The following IQSEC1 variants were observed in gnomAD, a reference collection of about 807,000 sequenced individuals.
The protein encoded by IQSEC1 is IQ motif and SEC7 domain-containing protein 1.
In IQSEC1, 31 loss-of-function variants were observed where a neutral mutation model predicts 91.0. The observed-to-expected ratio is 0.34, with a 90% CI of 0.26 to 0.46. IQSEC1 has a LOEUF of 0.46. Among genes scored for constraint, IQSEC1 ranks in the 20% least tolerant of loss-of-function variants. IQSEC1 has a pLI of 1.00. For missense variants in IQSEC1, 1,388 were observed against 1,575.6 expected (o/e 0.88, Z 2.02); for synonymous variants, 699 against 662.6 (o/e 1.05, Z -0.84).
In IQSEC1 at chr3:12,922,146, T is replaced by C. The variant is rs777570087; in HGVS notation, c.1827A>G (p.Lys609=). 40 of 1,609,574 alleles carry C rather than the reference T, an allele frequency of 2.5e-5. No individual in the cohort carries two copies. Among genetic ancestry groups the C allele is most frequent in the Non-Finnish European group, 1.7e-6 (2 of 1,177,054 alleles). Residue 609 remains lysine (K), a synonymous_variant, in exon 5 of 14, where the codon AAA becomes AAG. Transcript: ENST00000613206. The surrounding 1 kb of genome is among the most constrained non-coding windows in gnomAD (Gnocchi z 5.1). ...TGAACGCCTCTATGAGCCGCTCCAC[T>C]TTCTGAGCCTCCCCTTGGACACGGA... is the stretch of plus-strand genomic sequence containing the variant. ...AHIRVQGEAQ[K]VERLIEAFSQ... is the part of the protein sequence containing the mutation.
chr3:13,025,846 G>A (rs1318562636), intron 1 of IQSEC1, among the ~76,000 whole-genome samples: 2 of 152,178 alleles, frequency 1.3e-5, no homozygotes, highest in Non-Finnish European at 2.9e-5. Context: ...CCAGGGTGGG[G>A]TGGGCAAGGC....
rs995398766 is a variant in IQSEC1, at chr3:13,008,778, G to A, written c.23+64214C>T. Among the ~76,000 whole-genome samples the A allele has an allele frequency of 6.6e-5, 10 of 152,152 alleles. No individual in the cohort carries two copies. Among genetic ancestry groups the A allele is most frequent in the Admixed American group, 3.9e-4 (6 of 15,274 alleles). ...ACTGATAGAACAACGCTCTTGATCC[G>A]GCTCCAGGGCAGAAAGGGGAGCTCA... On this transcript the variant is annotated intron_variant, in intron 1 of 13. Coordinates refer to ENST00000613206, the MANE Select transcript of IQSEC1 (RefSeq NM_001134382.3). The surrounding 1 kb of genome is among the most constrained non-coding windows in gnomAD (Gnocchi z 4.1).
chr3:13,036,166 A>G (rs1704028539), intron 1 of IQSEC1, among the ~76,000 whole-genome samples: 1 of 152,206 alleles, frequency 6.6e-6, no homozygotes, highest in Non-Finnish European at 1.5e-5. Flanking sequence ...ACACCGTCAT[A>G]ACAACCGCGA....
chr3:13,081,340 C>A (rs1448339236), intron 2 of IQSEC1, among the ~76,000 whole-genome samples: 1 of 152,254 alleles, frequency 6.6e-6, no homozygotes, highest in Admixed American at 6.5e-5. Flanking sequence ...ACAATCACAG[C>A]TCACAGAAGC....
intron 2 of IQSEC1, among the ~76,000 whole-genome samples, chr3:13,120,492 C>T (rs1484132598): frequency 2.6e-5 from 4 of 152,176 alleles, no homozygotes; most frequent in African/African-American, 7.2e-5. Flanking sequence ...CTCTGGGCTC[C>T]GTGTACTCCT....
At chr3:13,034,349 A>G (rs1267262882) in intron 1 of IQSEC1, among the ~76,000 whole-genome samples, 1 of 152,232 alleles carries the variant, frequency 6.6e-6, no homozygotes, top group Non-Finnish European at 1.5e-5. Context: ...CACGTGCTAA[A>G]TCCAGCAGTT....
In IQSEC1 at chr3:13,120,954, T is replaced by C. The variant is rs547652395; in HGVS notation, c.302+43150A>G. ...GGGGAATCCCAGATTCAATGGCGTT[T>C]ACACATTTAAACAGGAGGCAGTTCC... On this transcript the variant is annotated intron_variant, in intron 2 of 15. Transcript: ENST00000648114. 2.6e-5 allele frequency among the ~76,000 whole-genome samples: 4 copies of C among 152,352 alleles called. No homozygotes were observed. The East Asian group carries it at 7.7e-4, about 29-fold the overall frequency.
intron 6 of IQSEC1, among the ~76,000 whole-genome samples, chr3:12,916,519 T>C (rs1203946291): frequency 1.3e-5 from 2 of 152,212 alleles, no homozygotes; most frequent in East Asian, 1.9e-4. Flanking sequence ...TCCGCCAGAC[T>C]GCAGTCCAAA....
chr3:13,056,374 C>T (rs1029963660), intron 1 of IQSEC1, among the ~76,000 whole-genome samples: 13 of 151,856 alleles, frequency 8.6e-5, no homozygotes, highest in Non-Finnish European at 1.6e-4. Context: ...CCAGCAAACC[C>T]TCTAGAGTCC....
At chr3:13,170,275 G>T (rs1693582033) in intron 1 of IQSEC1, among the ~76,000 whole-genome samples, 2 of 152,264 alleles carry the variant, frequency 1.3e-5, no homozygotes, top group Non-Finnish European at 2.9e-5. Flanking sequence ...CAGAAGTCAA[G>T]AATTAGGGTT....
Position 13,140,820 on chromosome 3 carries a change from G to A in IQSEC1, c.302+23284C>T, listed in dbSNP as rs944164113. 2.0e-5 allele frequency among the ~76,000 whole-genome samples: 3 copies of A among 152,268 alleles called. No individual in the cohort carries two copies. In the South Asian group the frequency reaches 6.2e-4, roughly 32 times the overall value. On this transcript the variant is annotated intron_variant, in intron 2 of 15. Transcript: ENST00000648114. ...CTGTTCCGCATCCCACCCTCCCCTG[G>A]GTCTGGACTTAGGCTGACAGAGCAG... is the stretch of plus-strand genomic sequence containing the variant.
At chr3:12,991,434 G>A (rs1701985334) in intron 1 of IQSEC1, among the ~76,000 whole-genome samples, 1 of 152,076 alleles carries the variant, frequency 6.6e-6, no homozygotes, top group Non-Finnish European at 1.5e-5. Context: ...CAGTGCGTGG[G>A]ACCCCAGTCT....
intron 1 of IQSEC1, among the ~76,000 whole-genome samples, chr3:12,986,227 G>A (rs956347998): frequency 6.6e-6 from 1 of 152,204 alleles, no homozygotes; most frequent in African/African-American, 2.4e-5. Context: ...GCTGGGAGCT[G>A]GGCTGGGACC....
chr3:12,960,684 CCAAT>C (rs1700189539), intron 1 of IQSEC1: 1 of 152,242 alleles, frequency 6.6e-6, no homozygotes, highest in African/African-American at 2.4e-5. Flanking sequence ...GTTCTTGGTT[CCAAT>C]CAGACAGGTA....
intron 3 of IQSEC1, among the ~76,000 whole-genome samples, chr3:12,926,657 G>A (rs1377859836): frequency 6.6e-6 from 1 of 152,236 alleles, no homozygotes; most frequent in Non-Finnish European, 1.5e-5. Context: ...CTGACCCCTT[G>A]CCCCAGCAGG....
At chr3:13,090,662 C>A (rs1044896403) in intron 2 of IQSEC1, among the ~76,000 whole-genome samples, 3 of 152,204 alleles carry the variant, frequency 2.0e-5, no homozygotes, top group Non-Finnish European at 2.9e-5. Flanking sequence ...CCACCACATC[C>A]CGAGAGCCCC....
At chr3:13,056,329 C>A (rs993867032) in intron 1 of IQSEC1, among the ~76,000 whole-genome samples, 9 of 151,346 alleles carry the variant, frequency 5.9e-5, no homozygotes, top group South Asian at 2.1e-4. Flanking sequence ...AAAGAACCAT[C>A]TGGCACCACC....
At chr3:13,149,371 C>A (rs1706951764) in intron 2 of IQSEC1, among the ~76,000 whole-genome samples, 1 of 151,462 alleles carries the variant, frequency 6.6e-6, no homozygotes, top group African/African-American at 2.4e-5. Context: ...GCTCCCCAGG[C>A]CATTCCACTC....
chr3:13,232,211 GA>G (rs1694849989), intron 1 of IQSEC1, among the ~76,000 whole-genome samples: 2 of 152,212 alleles, frequency 1.3e-5, no homozygotes, highest in South Asian at 4.1e-4. Context: ...GTTGTTCTGA[GA>G]CCCTGCACTA....
Sources: gnomAD v4.1 joint callset for allele counts (sites outside exome capture counted in the v4.1 genomes callset) on GRCh38, gnomAD v4.1.1 for gene constraint, Gnocchi (gnomAD v3.1) non-coding constraint, MANE v1.5 for transcripts, NCBI Gene and HGNC (gene_info 2026-07-23, HGNC 2026-07-21) for gene names.